HPSE2: variants seen among roughly 807,000 people sequenced by gnomAD.
HPSE2 encodes the protein inactive heparanase-2.
A neutral mutation model predicts 60.5 loss-of-function variants in HPSE2; 38 were observed. The ratio of observed to expected loss-of-function variants is 0.63; its 90% CI spans 0.48 to 0.82. HPSE2 has a LOEUF of 0.82. Ranked by LOEUF, HPSE2 falls within the 40% of genes least tolerant of loss-of-function variation. The pLI is 0.00. For missense variants in HPSE2, 713 were observed against 740.4 expected (o/e 0.96, Z 0.43); for synonymous variants, 295 against 293.2 (o/e 1.01, Z -0.06).
At chr10:98,502,978 G>A (rs908500750) in intron 9 of HPSE2, among the ~76,000 whole-genome samples, 1 of 152,146 alleles carries the variant, frequency 6.6e-6, no homozygotes, top group Non-Finnish European at 1.5e-5. Context: ...TTGGGAGGCC[G>A]AGGCGGGTGG....
intron 9 of HPSE2, among the ~76,000 whole-genome samples, chr10:98,504,680 T>C (rs749455130): frequency 1.3e-5 from 2 of 151,994 alleles, no homozygotes; most frequent in East Asian, 3.9e-4. Context: ...GTCCCCGCTA[T>C]TCAGGAGGCT....
At chr10:98,788,699 C>T (rs1950587168) in intron 3 of HPSE2, among the ~76,000 whole-genome samples, 1 of 152,058 alleles carries the variant, frequency 6.6e-6, no homozygotes, top group Middle Eastern at 3.4e-3. Context: ...GTGGGAGTGA[C>T]CCGATTTTCC....
At chr10:99,227,140 A>G (rs1361374829) in intron 2 of HPSE2, among the ~76,000 whole-genome samples, 1 of 152,110 alleles carries the variant, frequency 6.6e-6, no homozygotes, top group Non-Finnish European at 1.5e-5. Flanking sequence ...AAAAGAATTA[A>G]TTACTTCATC....
chr10:98,643,989 T>C (rs1045863283), intron 6 of HPSE2, among the ~76,000 whole-genome samples: 1 of 152,188 alleles, frequency 6.6e-6, no homozygotes, highest in Non-Finnish European at 1.5e-5. Flanking sequence ...GCAACACACA[T>C]AGTTTAATAC....
intron 3 of HPSE2, among the ~76,000 whole-genome samples, chr10:99,086,176 G>A (rs184257802): frequency 1.9e-3 from 288 of 152,186 alleles, no homozygotes; most frequent in Middle Eastern, 6.8e-3. Flanking sequence ...AGTGTATGCT[G>A]AGTAGTAGAG....
At chr10:99,286,680 T>C in the HPSE2 span, among the ~76,000 whole-genome samples, 15 of 152,080 alleles carry the variant, frequency 9.9e-5, no homozygotes, top group Non-Finnish European at 1.8e-4. Context: ...AAAATGAAAA[T>C]TTTCTGTTAT....
At chr10:98,738,857 C>A (rs1323370118) in intron 4 of HPSE2, among the ~76,000 whole-genome samples, 1 of 152,170 alleles carries the variant, frequency 6.6e-6, no homozygotes, top group Non-Finnish European at 1.5e-5. Flanking sequence ...AATAGGAATG[C>A]TTTTACACTG....
At chr10:99,118,441 T>C (rs1844797401) in intron 3 of HPSE2, among the ~76,000 whole-genome samples, 2 of 146,916 alleles carry the variant, frequency 1.4e-5, no homozygotes, top group African/African-American at 2.5e-5. Context: ...GAGAATGGCA[T>C]GAACCCAGGA....
At chr10:98,925,156 TCGTTAAATCCAAGTACTGTGAATATGA>T (rs1315259667) in intron 3 of HPSE2, among the ~76,000 whole-genome samples, 2 of 152,202 alleles carry the variant, frequency 1.3e-5, no homozygotes, top group East Asian at 3.9e-4. Flanking sequence ...AATGCCTCTG[TCGTTAAATCCAAGTACTGTGAATATGA>T]CGTTAAATCC....
At chr10:98,989,584 C>T (rs1589475175) in intron 3 of HPSE2, among the ~76,000 whole-genome samples, 1 of 150,034 alleles carries the variant, frequency 6.7e-6, no homozygotes, top group Non-Finnish European at 1.5e-5. Flanking sequence ...CAACATGGCA[C>T]ATGTATACAT....
chr10:98,758,105 A>G (rs1351307039), intron 3 of HPSE2, among the ~76,000 whole-genome samples: 2 of 152,194 alleles, frequency 1.3e-5, no homozygotes, highest in African/African-American at 4.8e-5. Flanking sequence ...TGCCTATTCA[A>G]TAACTGGTGT....
intron 3 of HPSE2, among the ~76,000 whole-genome samples, chr10:99,098,869 C>T (rs10509729): frequency 2.1e-4 from 32 of 152,116 alleles, no homozygotes; most frequent in African/African-American, 5.1e-4. Context: ...TAAAGTGCTA[C>T]GGTTCTCATA....
At position 98,717,714 on chromosome 10, in the gene HPSE2, T is replaced by C. The variant is rs117636388; in HGVS notation, c.956+3943A>G. Among the ~76,000 whole-genome samples the C allele has an allele frequency of 6.6e-4, 100 of 152,182 alleles. 3 individuals are homozygous for C. The East Asian group carries it at 0.017, about 26-fold the overall frequency. ...ATTACAATAGCAGCATCAAAGATCA[T>C]TGATTACAGATCACCATAATAGATA... On this transcript the variant is annotated intron_variant, in intron 5 of 11. Coordinates refer to ENST00000370552, the MANE Select transcript of HPSE2 (RefSeq NM_021828.5).
rs142102360 is a variant in HPSE2 at position 98,721,718 on chromosome 10, C to T, written c.895G>A (p.Ala299Thr). The T allele has an allele frequency of 4.5e-3, 7,241 of 1,613,748 alleles. 31 individuals are homozygous for T. The highest frequency in any genetic ancestry group is 5.5e-3 in the Non-Finnish European group (6,473 of 1,179,900). The change falls in exon 5 of 12, where the codon GCC (alanine) becomes ACC (threonine). Residue 299 changes from alanine (A) to threonine (T), a missense_variant. Transcript: ENST00000370552. ...CCAATATTAGGGCCATATAAGCTGG[C>T]TCTGGAATAAATCCGGATGGGCTGC... Reference protein sequence around the residue: ...LLQPIRIYSRASLYGPNIGRP... With the variant: ...LLQPIRIYSRTSLYGPNIGRP...
intron 3 of HPSE2, among the ~76,000 whole-genome samples, chr10:98,913,086 T>A (rs963948860): frequency 6.6e-6 from 1 of 152,024 alleles, no homozygotes; most frequent in African/African-American, 2.4e-5. Flanking sequence ...AAATAAAAAA[T>A]AAAATAAATA....
intron 3 of HPSE2, among the ~76,000 whole-genome samples, chr10:98,925,887 T>C (rs559624458): frequency 2.6e-5 from 4 of 152,282 alleles, no homozygotes; most frequent in South Asian, 4.1e-4. Flanking sequence ...GTTTGGGATA[T>C]TAAAGACAAG....
At chr10:98,964,963 T>C (rs1345742991) in intron 3 of HPSE2, among the ~76,000 whole-genome samples, 1 of 152,150 alleles carries the variant, frequency 6.6e-6, no homozygotes, top group Non-Finnish European at 1.5e-5. Context: ...TGGTTCTTCC[T>C]TAGACTTCTT....
intron 9 of HPSE2, among the ~76,000 whole-genome samples, chr10:98,505,272 G>C (rs913246599): frequency 1.1e-4 from 17 of 152,130 alleles, no homozygotes; most frequent in Admixed American, 1.1e-3. Context: ...GCAAATTAAC[G>C]GACTTCACCC....
chr10:98,798,186 AAAT>A (rs1293552281), intron 3 of HPSE2, among the ~76,000 whole-genome samples: 2 of 151,610 alleles, frequency 1.3e-5, no homozygotes, highest in Non-Finnish European at 2.9e-5. Flanking sequence ...TAAAAATGCT[AAAT>A]AAAAAAAAAA....
Sources: gnomAD v4.1 joint callset for allele counts (sites outside exome capture counted in the v4.1 genomes callset) on GRCh38, gnomAD v4.1.1 for gene constraint, MANE v1.5 for transcripts, NCBI Gene and HGNC (gene_info 2026-07-23, HGNC 2026-07-21) for gene names.